Variants in CLIC5 observed in about 807,000 individuals in gnomAD.
The protein encoded by CLIC5 is chloride intracellular channel protein 5.
Under a neutral mutation model 24.7 loss-of-function variants are expected in CLIC5, and 20 were observed. The observed-to-expected ratio is 0.81, with a 90% CI of 0.57 to 1.18. The LOEUF (loss-of-function observed/expected upper bound fraction) is 1.18. CLIC5 is among the 50% of genes most tolerant of loss of function. The probability of loss-of-function intolerance (pLI) is 0.00; values close to 1 mark genes in which losing one functional copy is unlikely to be tolerated. For synonymous variants in CLIC5, 159 were observed against 135.6 expected (o/e 1.17, Z -1.20); for missense variants, 341 against 326.1 (o/e 1.05, Z -0.35).
chr6:45,911,680 T>A, intron 5 of CLIC5: 2 of 985,350 alleles, frequency 2.0e-6, no homozygotes, highest in Non-Finnish European at 2.4e-6. Flanking sequence ...TTAGTTTCAA[T>A]ACAGCAGAAA....
chr6:46,105,491 C>T, the CLIC5 span, among the ~76,000 whole-genome samples: 1 of 152,084 alleles, frequency 6.6e-6, no homozygotes, highest in Non-Finnish European at 1.5e-5. Context: ...TTCCTCTGTT[C>T]TTTTCCTTTC....
chr6:45,952,200 A>T (rs1380267245), intron 2 of CLIC5, among the ~76,000 whole-genome samples: 1 of 152,166 alleles, frequency 6.6e-6, no homozygotes, highest in Non-Finnish European at 1.5e-5. Flanking sequence ...GCCCTTGGGA[A>T]GTACTGCCTA....
chr6:46,121,267 G>A, the CLIC5 span, among the ~76,000 whole-genome samples: 1 of 152,132 alleles, frequency 6.6e-6, no homozygotes, highest in African/African-American at 2.4e-5. Context: ...AGAGAGTGGG[G>A]GCCAATATTC....
exon 1 of CLIC5, chr6:46,079,759 C>T (rs1269044136): frequency 1.3e-6 from 2 of 1,551,866 alleles, no homozygotes; most frequent in East Asian, 2.4e-5. Context: ...TCTTCCAAAC[C>T]TTCAGCATCA....
At chr6:46,111,388 T>G in the CLIC5 span, among the ~76,000 whole-genome samples, 2 of 152,206 alleles carry the variant, frequency 1.3e-5, no homozygotes, top group African/African-American at 4.8e-5. Flanking sequence ...AAAACCAGTG[T>G]GTAGACTGCT....
At chr6:45,958,429 TA>T (rs1561964399) in intron 1 of CLIC5, among the ~76,000 whole-genome samples, 124 of 4,656 alleles carry the variant, frequency 0.027, 4 homozygotes, top group African/African-American at 0.035. Flanking sequence ...CAATTATATA[TA>T]TATATATATA....
the CLIC5 span, among the ~76,000 whole-genome samples, chr6:46,087,781 A>G: frequency 6.6e-6 from 1 of 152,230 alleles, no homozygotes; most frequent in Non-Finnish European, 1.5e-5. Context: ...TCAAAGAGGG[A>G]AAGAGAGAGT....
chr6:45,964,982 G>A (rs1446188305), intron 1 of CLIC5, among the ~76,000 whole-genome samples: 1 of 152,150 alleles, frequency 6.6e-6, no homozygotes, highest in Non-Finnish European at 1.5e-5. Context: ...GCCGCAGAAG[G>A]CAAACATTTA....
At chr6:46,054,502 T>C (rs150149361) in intron 1 of CLIC5, among the ~76,000 whole-genome samples, 6 of 152,336 alleles carry the variant, frequency 3.9e-5, no homozygotes, top group Admixed American at 6.5e-5. Context: ...CCAAATATTA[T>C]TGAATGTTCC....
chr6:45,941,961 C>T (rs1180646169), intron 3 of CLIC5, among the ~76,000 whole-genome samples: 1 of 152,104 alleles, frequency 6.6e-6, no homozygotes, highest in Non-Finnish European at 1.5e-5. Context: ...AAGGATGTGC[C>T]AGTGGGATGG....
the CLIC5 span, among the ~76,000 whole-genome samples, chr6:46,119,242 A>C: frequency 1.3e-5 from 2 of 152,230 alleles, no homozygotes; most frequent in Non-Finnish European, 2.9e-5. Flanking sequence ...TGCAAGAATT[A>C]ATCAAACACC....
chr6:46,102,972 G>A, the CLIC5 span, among the ~76,000 whole-genome samples: 1 of 152,114 alleles, frequency 6.6e-6, no homozygotes, highest in African/African-American at 2.4e-5. Context: ...ATATAGCATG[G>A]GATATCCAGA....
chr6:45,930,129 G>A (rs1005519593), intron 4 of CLIC5, among the ~76,000 whole-genome samples: 2 of 152,112 alleles, frequency 1.3e-5, no homozygotes, highest in Non-Finnish European at 2.9e-5. Context: ...CCACTTCACT[G>A]TCCCTCACCC....
chr6:45,984,948 C>T (rs1765683459), intron 1 of CLIC5, among the ~76,000 whole-genome samples: 1 of 152,196 alleles, frequency 6.6e-6, no homozygotes, highest in African/African-American at 2.4e-5. Flanking sequence ...GACGTCATAG[C>T]TGCCTCACGG....
chr6:46,056,281 C>G (rs1367263082), intron 1 of CLIC5, among the ~76,000 whole-genome samples: 2 of 152,014 alleles, frequency 1.3e-5, no homozygotes, highest in Non-Finnish European at 2.9e-5. Context: ...TTCCTCAGGG[C>G]TCCATACTTA....
At chr6:45,920,691 T>C (rs768495711) in intron 4 of CLIC5, 7 of 977,720 alleles carry the variant, frequency 7.2e-6, no homozygotes, top group Non-Finnish European at 8.5e-6. Context: ...CACAGGCAGC[T>C]AGGACAAGAG....
the CLIC5 span, among the ~76,000 whole-genome samples, chr6:46,093,894 C>T: frequency 5.3e-5 from 8 of 152,148 alleles, no homozygotes; most frequent in Non-Finnish European, 7.3e-5. Flanking sequence ...TACCTGACAC[C>T]AGGTAATTTA....
At chr6:46,105,774 C>G in the CLIC5 span, among the ~76,000 whole-genome samples, 1 of 152,198 alleles carries the variant, frequency 6.6e-6, no homozygotes, top group Non-Finnish European at 1.5e-5. Flanking sequence ...TTACTTTGTA[C>G]TCTAAGAGAG....
chr6:46,027,749 AT>A (rs1490376112), intron 1 of CLIC5, among the ~76,000 whole-genome samples: 1 of 152,224 alleles, frequency 6.6e-6, no homozygotes, highest in African/African-American at 2.4e-5. Flanking sequence ...TGCAATATAA[AT>A]TTTTTATCTC....
Sources: gnomAD v4.1 joint callset for allele counts (sites outside exome capture counted in the v4.1 genomes callset) on GRCh38, gnomAD v4.1.1 for gene constraint, MANE v1.5 for transcripts, NCBI Gene and HGNC (gene_info 2026-07-23, HGNC 2026-07-21) for gene names.